The following ENDOV variants were observed in gnomAD, a reference collection of about 807,000 sequenced individuals.
ENDOV encodes the protein endonuclease V, also known as hEndoV.
Under a neutral mutation model 39.4 loss-of-function variants are expected in ENDOV, and 37 were observed. The ratio of observed to expected loss-of-function variants is 0.94; its 90% CI spans 0.72 to 1.23. The LOEUF is 1.23. Among genes scored for constraint, ENDOV ranks in the 50% most tolerant of loss-of-function variants. ENDOV has a pLI of 0.00. For missense variants in ENDOV, 441 were observed against 375.7 expected (o/e 1.17, Z -1.44); for synonymous variants, 186 against 163.4 (o/e 1.14, Z -1.05).
Position 80,436,370 on chromosome 17 carries a change from T to G in ENDOV, c.*227T>G. Reference sequence around the variant, plus strand: ...TTGTTCCTGATCTTAAGGGAACGTTTGCAGTCTTTCACCACTAGATGTGAT... The same window carrying G: ...TTGTTCCTGATCTTAAGGGAACGTTGGCAGTCTTTCACCACTAGATGTGAT... On this transcript the variant is annotated 3_prime_UTR_variant, in exon 10 of 10. Coordinates refer to ENST00000518137, the MANE Select transcript of ENDOV (RefSeq NM_173627.5). The G allele has an allele frequency of 4.7e-6, 7 of 1,478,158 alleles. No individual in the cohort carries two copies. Among genetic ancestry groups the G allele is most frequent in the Non-Finnish European group, 6.3e-6 (7 of 1,110,014 alleles). The allele number at this position is 1,478,158 out of a possible 1,614,324, so 91.6% of individuals were successfully genotyped here.
intron 2 of ENDOV, chr17:80,417,969 A>G (rs1423607240): frequency 6.6e-6 from 1 of 152,168 alleles, no homozygotes; most frequent in African/African-American, 2.4e-5. Flanking sequence ...TCCTGCTTCC[A>G]TGGCTTTGTG....
intron 7 of ENDOV, among the ~76,000 whole-genome samples, chr17:80,427,061 G>A (rs538731490): frequency 6.6e-5 from 10 of 152,380 alleles, no homozygotes; most frequent in Non-Finnish European, 1.5e-4. Flanking sequence ...CCTCCAGGGG[G>A]CAGCAGCAGC....
intron 1 of ENDOV, 47 bp downstream of exon 1, chr17:80,415,297 G>A (rs770299286): frequency 6.2e-7 from 1 of 1,600,240 alleles, no homozygotes; most frequent in Non-Finnish European, 8.5e-7. Flanking sequence ...GAGGCCGGGC[G>A]GCCCTTCGCG....
intron 4 of ENDOV, among the ~76,000 whole-genome samples, chr17:80,422,916 G>C (rs2082236333): frequency 6.6e-6 from 1 of 152,106 alleles, no homozygotes; most frequent in Non-Finnish European, 1.5e-5. Context: ...AGCCAGGATG[G>C]TCTTGATCTC....
At chr17:80,426,879 G>C (rs891106043) in intron 7 of ENDOV, among the ~76,000 whole-genome samples, 5 of 152,224 alleles carry the variant, frequency 3.3e-5, no homozygotes, top group African/African-American at 4.8e-5. Context: ...GTCTGCACAA[G>C]CCATGCTGCT....
intron 5 of ENDOV, chr17:80,424,176 G>C (rs2082405750): frequency 2.5e-6 from 1 of 399,266 alleles, no homozygotes; most frequent in African/African-American, 2.1e-5. Flanking sequence ...GACACCCCCA[G>C]CTGTTTCACT....
At chr17:80,434,226 C>T (rs2083480388) in intron 9 of ENDOV, among the ~76,000 whole-genome samples, 1 of 152,230 alleles carries the variant, frequency 6.6e-6, no homozygotes, top group South Asian at 2.1e-4. Context: ...TGTCTGGCTT[C>T]CTTCTCTTGG....
At chr17:80,418,736 G>A (rs1326190326) in intron 2 of ENDOV, 4 of 152,082 alleles carry the variant, frequency 2.6e-5, no homozygotes, top group African/African-American at 9.7e-5. Context: ...TGAGGATGAG[G>A]TTTATTTAGG....
At position 80,421,839 on chromosome 17, in the gene ENDOV, G is replaced by A. The variant is rs1599357736; in HGVS notation, c.240G>A (p.Glu80=). ...GTGCCTGGTGTCAGGTGGTGTATGAGGAGAGCCGCATGGTCAGCCTCACAG... is the reference window on the plus strand; with the variant it reads ...GTGCCTGGTGTCAGGTGGTGTATGAAGAGAGCCGCATGGTCAGCCTCACAG... ...LSFPELEVVY[E]ESRMVSLTAP... Residue 80 remains glutamate (E), a synonymous_variant, in exon 3 of 10, where the codon GAG becomes GAA. Transcript: ENST00000518137. The A allele has an allele frequency of 9.4e-6, 15 of 1,598,148 alleles. No homozygotes were observed. Among genetic ancestry groups the A allele is most frequent in the Non-Finnish European group, 1.2e-5 (14 of 1,172,848 alleles).
chr17:80,432,470 C>A (rs1169490338), intron 9 of ENDOV, among the ~76,000 whole-genome samples: 3 of 152,126 alleles, frequency 2.0e-5, no homozygotes, highest in Non-Finnish European at 4.4e-5. Context: ...GTCACCAGCA[C>A]AAGCAGGCTG....
intron 8 of ENDOV, 143 bp from the exon 9 acceptor site, chr17:80,429,630 G>C: frequency 1.4e-6 from 1 of 738,948 alleles, no homozygotes; most frequent in Non-Finnish European, 2.2e-6. Context: ...TGAGCAGCGT[G>C]CTCTGCCCTG....
chr17:80,432,240 A>G (rs924775465), intron 9 of ENDOV, among the ~76,000 whole-genome samples: 1 of 152,008 alleles, frequency 6.6e-6, no homozygotes, highest in Non-Finnish European at 1.5e-5. Context: ...CCAGCGGTGG[A>G]CACTCGGTAC....
chr17:80,430,336 C>G, intron 9 of ENDOV: 1 of 1,525,546 alleles, frequency 6.6e-7, no homozygotes, highest in Non-Finnish European at 8.8e-7. Flanking sequence ...CTTGCTTGCT[C>G]TTTTTTATTC....
intron 4 of ENDOV, among the ~76,000 whole-genome samples, chr17:80,423,291 C>T (rs1044634280): frequency 6.6e-6 from 1 of 152,252 alleles, no homozygotes; most frequent in Non-Finnish European, 1.5e-5. Flanking sequence ...CTGGCACTGA[C>T]CGTGTCAGAG....
At chr17:80,428,453 C>T in intron 7 of ENDOV, 143 bp from the exon 8 acceptor site, 1 of 775,368 alleles carries the variant, frequency 1.3e-6, no homozygotes, top group Non-Finnish European at 2.1e-6. Context: ...AGGGCCGCGG[C>T]TCCTGAGCCT....
At chr17:80,433,777 G>T (rs2083459021) in intron 9 of ENDOV, among the ~76,000 whole-genome samples, 1 of 152,218 alleles carries the variant, frequency 6.6e-6, no homozygotes, top group East Asian at 1.9e-4. Context: ...AGGACCATGG[G>T]TGTCAGGTGG....
At chr17:80,428,138 A>G (rs2082950740) in intron 7 of ENDOV, among the ~76,000 whole-genome samples, 1 of 152,200 alleles carries the variant, frequency 6.6e-6, no homozygotes, top group Admixed American at 6.5e-5. Context: ...GAGACGGGAC[A>G]GGGGTTACTG....
intron 8 of ENDOV, 97 bp downstream of exon 8, chr17:80,428,757 T>G: frequency 1.6e-6 from 2 of 1,219,646 alleles, no homozygotes; most frequent in East Asian, 2.5e-5. Context: ...TGCAATATTG[T>G]GGCTCAGGAC....
In ENDOV at chr17:80,425,041, C is replaced by T. The variant is rs2082517733; in HGVS notation, c.526C>T (p.Leu176=). ...NALHKEKIRL[L]QTRGDSFPLL... ...TCCCTCCATTTTCCAGATCCGACTC[C>T]TGCAGACTCGAGGAGACTCATTCCC... The change falls in exon 6 of 10, where the codon CTG becomes TTG. Residue 176 remains leucine (L), a synonymous_variant. Coordinates refer to ENST00000518137, the MANE Select transcript of ENDOV (RefSeq NM_173627.5). The T allele has an allele frequency of 6.2e-7, 1 of 1,612,580 alleles. No individual in the cohort carries two copies. Among genetic ancestry groups the T allele is most frequent in the Non-Finnish European group, 8.5e-7 (1 of 1,179,374 alleles).
Sources: gnomAD v4.1 joint callset for allele counts (sites outside exome capture counted in the v4.1 genomes callset) on GRCh38, gnomAD v4.1.1 for gene constraint, MANE v1.5 for transcripts, NCBI Gene and HGNC (gene_info 2026-07-23, HGNC 2026-07-21) for gene names.